ASIC2: variants seen among roughly 807,000 people sequenced by gnomAD.
The protein encoded by ASIC2 is acid-sensing ion channel 2.
A neutral mutation model predicts 57.3 loss-of-function variants in ASIC2; 25 were observed. The ratio of observed to expected loss-of-function variants is 0.44; its 90% CI spans 0.32 to 0.61. The LOEUF is 0.61. Among genes scored for constraint, ASIC2 ranks in the 20% least tolerant of loss-of-function variants. The pLI is 0.06. For synonymous variants in ASIC2, 319 were observed against 307.5 expected, an observed-to-expected ratio of 1.04 and a Z score of -0.39; for missense variants, 641 against 738.1, an observed-to-expected ratio of 0.87 and a Z score of 1.52.
intron 1 of ASIC2, among the ~76,000 whole-genome samples, chr17:33,926,249 G>A (rs1157165802): frequency 6.6e-6 from 1 of 152,134 alleles, no homozygotes; most frequent in Non-Finnish European, 1.5e-5. Flanking sequence ...GCTTTATATG[G>A]AGTAGTTCAC....
chr17:33,137,404 C>CA (rs2092370988), intron 1 of ASIC2, among the ~76,000 whole-genome samples: 1 of 152,152 alleles, frequency 6.6e-6, no homozygotes, highest in African/African-American at 2.4e-5. Flanking sequence ...AATTTAAGGG[C>CA]AATGGTACAT....
intron 1 of ASIC2, among the ~76,000 whole-genome samples, chr17:34,013,057 A>AC (rs575315564): frequency 8.7e-4 from 133 of 152,192 alleles, no homozygotes; most frequent in African/African-American, 3.0e-3. Flanking sequence ...CCCTGGCTCA[A>AC]CCCCCCTGGA....
Position 33,137,675 on chromosome 17 carries a change from C to T in ASIC2, c.709-25608G>A, listed in dbSNP as rs551426225. On this transcript the variant is annotated intron_variant, in intron 1 of 9. Transcript: ENST00000225823. Reference sequence around the variant, plus strand: ...GTTTTGGCCTGCTCAGTGCTTACACCCAGAGTGTTTCCATGGCTGGCAGAT... The same window carrying T: ...GTTTTGGCCTGCTCAGTGCTTACACTCAGAGTGTTTCCATGGCTGGCAGAT... 1.8e-3 allele frequency among the ~76,000 whole-genome samples: 270 copies of T among 152,258 alleles called. 1 individual carries two copies. The highest frequency in any genetic ancestry group is 6.3e-3 in the African/African-American group (261 of 41,542).
At chr17:33,237,771 A>C (rs950828931) in intron 1 of ASIC2, among the ~76,000 whole-genome samples, 3 of 152,226 alleles carry the variant, frequency 2.0e-5, no homozygotes, top group Non-Finnish European at 4.4e-5. Flanking sequence ...TGGATACTGC[A>C]CTATTAGTCT....
chr17:33,628,981 C>T (rs1000420922), intron 1 of ASIC2, among the ~76,000 whole-genome samples: 3 of 152,190 alleles, frequency 2.0e-5, no homozygotes, highest in Admixed American at 6.5e-5. Context: ...TGGATGCGGC[C>T]GTTCTCCCCA....
intron 1 of ASIC2, among the ~76,000 whole-genome samples, chr17:33,306,294 T>G (rs1906170340): frequency 6.6e-6 from 1 of 152,192 alleles, no homozygotes; most frequent in Non-Finnish European, 1.5e-5. Flanking sequence ...GAAGCTAATG[T>G]GTCCTGTCTA....
At chr17:33,079,678 A>G (rs2092104653) in intron 3 of ASIC2, among the ~76,000 whole-genome samples, 1 of 152,140 alleles carries the variant, frequency 6.6e-6, no homozygotes, top group Admixed American at 6.5e-5. Flanking sequence ...GGTGAAAAAA[A>G]CATAAGGAAC....
chr17:33,533,575 T>G (rs917625866), intron 1 of ASIC2: 22 of 152,160 alleles, frequency 1.4e-4, no homozygotes, highest in Admixed American at 1.4e-3. Context: ...TGAGAAGCTT[T>G]TCCAGATTTC....
At chr17:33,210,729 C>A (rs765511498) in intron 1 of ASIC2, among the ~76,000 whole-genome samples, 5 of 152,218 alleles carry the variant, frequency 3.3e-5, no homozygotes, top group African/African-American at 1.2e-4. Context: ...AAGCCTCACC[C>A]TTCATAACAA....
At chr17:34,014,894 A>T (rs1425279193) in intron 1 of ASIC2, among the ~76,000 whole-genome samples, 27 of 146,812 alleles carry the variant, frequency 1.8e-4, no homozygotes, top group South Asian at 4.4e-4. Context: ...ATATCGCTGC[A>T]TTTTTTTTTT....
chr17:33,880,503 C>A (rs1250369941), intron 1 of ASIC2, among the ~76,000 whole-genome samples: 2 of 152,156 alleles, frequency 1.3e-5, no homozygotes, highest in Non-Finnish European at 2.9e-5. Flanking sequence ...ACTAGAAAAT[C>A]TAGAAGAAAT....
intron 3 of ASIC2, among the ~76,000 whole-genome samples, chr17:33,049,491 T>C (rs2091967300): frequency 6.6e-6 from 1 of 152,236 alleles, no homozygotes; most frequent in Non-Finnish European, 1.5e-5. Context: ...GTAGTGTTTT[T>C]CTTTCCTACT....
rs1915829258 is a variant in ASIC2, at chr17:33,553,973, G to A, written c.556-441906C>T. ...GTCCTTCGTTTTTTCCCCTGCAGTT[G>A]AGTTCTCTTCCTAGGTGCAATTCAA... is the stretch of plus-strand genomic sequence containing the variant. On this transcript the variant is annotated intron_variant, in intron 1 of 9. Coordinates refer to the ASIC2 transcript ENST00000359872. 2.6e-5 allele frequency among the ~76,000 whole-genome samples: 4 copies of A among 152,268 alleles called. No individual in the cohort carries two copies. The South Asian group carries it at 8.3e-4, about 32-fold the overall frequency.
At chr17:33,854,708 T>C (rs1913868879) in intron 1 of ASIC2, among the ~76,000 whole-genome samples, 1 of 152,082 alleles carries the variant, frequency 6.6e-6, no homozygotes, top group Admixed American at 6.5e-5. Flanking sequence ...CCCTGTGGAT[T>C]GCCTTAATGA....
At chr17:33,331,875 C>T (rs779644866) in intron 1 of ASIC2, among the ~76,000 whole-genome samples, 2 of 152,228 alleles carry the variant, frequency 1.3e-5, no homozygotes, top group South Asian at 2.1e-4. Flanking sequence ...CCAAACTAGG[C>T]AACTGCGAAT....
At chr17:33,351,868 G>T (rs553964526) in intron 1 of ASIC2, among the ~76,000 whole-genome samples, 2 of 152,268 alleles carry the variant, frequency 1.3e-5, no homozygotes, top group African/African-American at 4.8e-5. Flanking sequence ...GGGGGATGAG[G>T]ATGGGGGAGT....
chr17:33,880,985 T>C (rs1244237801), intron 1 of ASIC2, among the ~76,000 whole-genome samples: 1 of 152,116 alleles, frequency 6.6e-6, no homozygotes, highest in Non-Finnish European at 1.5e-5. Context: ...TAATCCAGCA[T>C]ATAAACAGAA....
intron 2 of ASIC2, among the ~76,000 whole-genome samples, chr17:33,090,234 C>T (rs1337626917): frequency 1.3e-5 from 2 of 152,228 alleles, no homozygotes; most frequent in Non-Finnish European, 2.9e-5. Flanking sequence ...AGCTCTCCAT[C>T]CCCACCCAAA....
rs568646296 is a variant in ASIC2 at position 34,142,528 on chromosome 17, AG to A, written c.555+13449del. 1.4e-4 allele frequency among the ~76,000 whole-genome samples: 22 copies of A among 152,350 alleles called. No homozygotes were observed. The South Asian group carries it at 4.6e-3, about 32-fold the overall frequency. ...CCAAATCTAATTAAACAACATACTC[AG>A]GGTCATCAAAGTTGTATACAATTGT... On this transcript the variant is annotated intron_variant, in intron 1 of 9. Transcript: ENST00000359872.
Sources: gnomAD v4.1 joint callset for allele counts (sites outside exome capture counted in the v4.1 genomes callset) on GRCh38, gnomAD v4.1.1 for gene constraint, MANE v1.5 for transcripts, NCBI Gene and HGNC (gene_info 2026-07-23, HGNC 2026-07-21) for gene names.